The following CNTNAP2 variants were observed in gnomAD, a reference collection of about 807,000 sequenced individuals.
CNTNAP2 encodes the protein contactin-associated protein-like 2.
A neutral mutation model predicts 155.2 loss-of-function variants in CNTNAP2; 98 were observed. That is an observed-to-expected ratio of 0.63 (90% confidence interval 0.54 to 0.75). The LOEUF (loss-of-function observed/expected upper bound fraction) is 0.75. Ranked by LOEUF, CNTNAP2 falls within the 30% of genes least tolerant of loss-of-function variation. CNTNAP2 has a pLI of 0.00. For missense variants in CNTNAP2, 1,727 were observed against 1,688.1 expected, an observed-to-expected ratio of 1.02 and a Z score of -0.40; for synonymous variants, 651 against 631.2, an observed-to-expected ratio of 1.03 and a Z score of -0.47.
chr7:146,311,075 TA>T (rs201075628), intron 1 of CNTNAP2, among the ~76,000 whole-genome samples: 1 of 152,090 alleles, frequency 6.6e-6, no homozygotes. Flanking sequence ...TTGAGGAAGT[TA>T]AAAAAAATCA....
rs144116011 is a variant in CNTNAP2 at position 148,295,731 on chromosome 7, T to G, written c.3475+28605T>G. 7.8e-3 allele frequency among the ~76,000 whole-genome samples: 1,190 copies of G among 152,014 alleles called. 5 individuals carry two copies. Among genetic ancestry groups the G allele is most frequent in the Non-Finnish European group, 0.014 (958 of 67,984 alleles). The stretch of plus-strand genomic sequence containing the variant: ...TGGTCTCCATCTCCTGACCTCGTGA[T>G]CCATCCGCCTCGGCCTCCCAAAGTG... On this transcript the variant is annotated intron_variant, in intron 21 of 23. Coordinates refer to ENST00000361727, the MANE Select transcript of CNTNAP2 (RefSeq NM_014141.6).
intron 20 of CNTNAP2, among the ~76,000 whole-genome samples, chr7:148,244,445 G>A (rs995712538): frequency 6.6e-6 from 1 of 152,084 alleles, no homozygotes; most frequent in Admixed American, 6.5e-5. Flanking sequence ...ATTGAGCCCA[G>A]TGTGTATATT....
At chr7:147,738,431 A>G (rs1315935364) in intron 13 of CNTNAP2, among the ~76,000 whole-genome samples, 1 of 152,094 alleles carries the variant, frequency 6.6e-6, no homozygotes, top group African/African-American at 2.4e-5. Context: ...AGACACTGCC[A>G]TGGCCACCCC....
chr7:147,573,057 C>A (rs919937815), intron 12 of CNTNAP2, among the ~76,000 whole-genome samples: 9 of 152,198 alleles, frequency 5.9e-5, no homozygotes, highest in Middle Eastern at 6.8e-3. Context: ...TAAATTGCAC[C>A]AATATTATAT....
intron 13 of CNTNAP2, among the ~76,000 whole-genome samples, chr7:147,738,878 C>T (rs1042173710): frequency 6.6e-6 from 1 of 152,098 alleles, no homozygotes; most frequent in African/African-American, 2.4e-5. Flanking sequence ...TGGTCTTGAA[C>T]TCCTGACCTC....
chr7:147,672,752 G>A (rs1185532961), intron 13 of CNTNAP2: 2 of 152,124 alleles, frequency 1.3e-5, no homozygotes, highest in Admixed American at 6.6e-5. Flanking sequence ...TGCAGACCCT[G>A]CTGTTATGCA....
At chr7:146,243,703 T>C (rs1799599150) in intron 1 of CNTNAP2, among the ~76,000 whole-genome samples, 1 of 152,228 alleles carries the variant, frequency 6.6e-6, no homozygotes, top group Non-Finnish European at 1.5e-5. Flanking sequence ...CATTAAATTC[T>C]TTCAAGCTCC....
chr7:146,705,992 A>G (rs1800959051), intron 1 of CNTNAP2, among the ~76,000 whole-genome samples: 1 of 152,164 alleles, frequency 6.6e-6, no homozygotes, highest in South Asian at 2.1e-4. Context: ...GAGTTTCTCA[A>G]GAGATACCTT....
intron 21 of CNTNAP2, among the ~76,000 whole-genome samples, chr7:148,353,441 A>G (rs1208137071): frequency 1.3e-5 from 2 of 152,316 alleles, no homozygotes; most frequent in East Asian, 3.9e-4. Flanking sequence ...TTGTCTCTGC[A>G]GGGATCTTAA....
intron 1 of CNTNAP2, among the ~76,000 whole-genome samples, chr7:146,285,938 C>G (rs1437915120): frequency 3.1e-5 from 1 of 31,980 alleles, no homozygotes; most frequent in Non-Finnish European, 5.9e-5. Context: ...CCCTTCCCCT[C>G]CCCTCCCCCT....
intron 13 of CNTNAP2, among the ~76,000 whole-genome samples, chr7:147,696,589 T>C (rs981189011): frequency 6.6e-6 from 1 of 152,200 alleles, no homozygotes; most frequent in Non-Finnish European, 1.5e-5. Flanking sequence ...CCCTTAATCA[T>C]TCTTTAGCGC....
At chr7:146,925,019 A>G (rs1285497152) in intron 3 of CNTNAP2, among the ~76,000 whole-genome samples, 2 of 152,158 alleles carry the variant, frequency 1.3e-5, no homozygotes, top group Non-Finnish European at 2.9e-5. Flanking sequence ...AATCATAAGA[A>G]TTGCTATGGA....
chr7:148,347,964 A>G (rs979206695), intron 21 of CNTNAP2, among the ~76,000 whole-genome samples: 4 of 151,800 alleles, frequency 2.6e-5, no homozygotes, highest in African/African-American at 9.7e-5. Flanking sequence ...TTTTTTTTCT[A>G]CCTTACTCAG....
chr7:148,086,909 A>G (rs1803743340), intron 15 of CNTNAP2, among the ~76,000 whole-genome samples: 1 of 152,176 alleles, frequency 6.6e-6, no homozygotes, highest in Non-Finnish European at 1.5e-5. Context: ...TACTACCATG[A>G]TGTCTTCACA....
intron 4 of CNTNAP2, among the ~76,000 whole-genome samples, chr7:147,045,627 T>TTACCAG (rs1207295261): frequency 6.6e-6 from 1 of 152,176 alleles, no homozygotes; most frequent in African/African-American, 2.4e-5. Context: ...AAAAGAGGTC[T>TTACCAG]AACATAAATT....
At chr7:146,796,566 C>G (rs1802772399) in intron 2 of CNTNAP2, among the ~76,000 whole-genome samples, 1 of 151,994 alleles carries the variant, frequency 6.6e-6, no homozygotes, top group South Asian at 2.1e-4. Flanking sequence ...TAAAGAAGAT[C>G]TAGCTTCTGA....
At chr7:148,281,581 G>C (rs1365508735) in intron 21 of CNTNAP2, among the ~76,000 whole-genome samples, 2 of 152,148 alleles carry the variant, frequency 1.3e-5, no homozygotes, top group Non-Finnish European at 2.9e-5. Context: ...ATCTTCTCAA[G>C]GCTGAAGGAA....
intron 1 of CNTNAP2, among the ~76,000 whole-genome samples, chr7:146,566,232 A>T (rs1304634341): frequency 6.6e-6 from 1 of 152,248 alleles, no homozygotes; most frequent in East Asian, 1.9e-4. Flanking sequence ...AATAAATGCT[A>T]TCCAAGTCAC....
At chr7:146,288,536 A>C (rs1462915328) in intron 1 of CNTNAP2, among the ~76,000 whole-genome samples, 3 of 152,002 alleles carry the variant, frequency 2.0e-5, no homozygotes, top group Non-Finnish European at 4.4e-5. Context: ...TGAGAAAAAA[A>C]AGTGTTTTAT....
Sources: gnomAD v4.1 joint callset for allele counts (sites outside exome capture counted in the v4.1 genomes callset) on GRCh38, gnomAD v4.1.1 for gene constraint, MANE v1.5 for transcripts, NCBI Gene and HGNC (gene_info 2026-07-23, HGNC 2026-07-21) for gene names.